SRR: variants seen among roughly 807,000 people sequenced by gnomAD.
SRR encodes serine racemase.
In SRR, 19 loss-of-function variants were observed where a neutral mutation model predicts 32.7. That is an observed-to-expected ratio of 0.58 (90% CI 0.40 to 0.85). The LOEUF (loss-of-function observed/expected upper bound fraction) is 0.85. SRR is among the 40% of genes least tolerant of loss of function. The pLI, the probability that SRR is intolerant of heterozygous loss-of-function variation, is 0.00. For missense variants in SRR, 373 were observed against 404.7 expected (o/e 0.92, Z 0.67); for synonymous variants, 142 against 140.9 (o/e 1.01, Z -0.06).
intron 4 of SRR, among the ~76,000 whole-genome samples, chr17:2,320,538 G>A (rs1276159628): frequency 1.3e-5 from 2 of 151,358 alleles, no homozygotes; most frequent in Non-Finnish European, 2.9e-5. Flanking sequence ...ACAAGTGTGA[G>A]CCACCGTGCC....
chr17:2,303,510 G>T, upstream of SRR: 1 of 1,330,000 alleles, frequency 7.5e-7, no homozygotes, highest in Non-Finnish European at 9.6e-7. Flanking sequence ...CGGCCCCAGC[G>T]CCTACTGCTG....
At chr17:2,315,762 TTTTCACACCC>T in intron 2 of SRR, 34 bp downstream of exon 2, 1 of 1,589,420 alleles carries the variant, frequency 6.3e-7, no homozygotes, top group Non-Finnish European at 8.6e-7. Context: ...ATCATGTATG[TTTTCACACCC>T]TTTCACATAT....
intron 3 of SRR, 151 bp downstream of exon 3, chr17:2,318,147 G>C (rs971007435): frequency 9.7e-6 from 9 of 928,498 alleles, no homozygotes; most frequent in Non-Finnish European, 1.2e-5. Context: ...TTTTTTTTTT[G>C]TTTGTTTTGT....
At chr17:2,313,019 CG>C (rs1260183740) in intron 1 of SRR, among the ~76,000 whole-genome samples, 1 of 152,190 alleles carries the variant, frequency 6.6e-6, no homozygotes, top group Non-Finnish European at 1.5e-5. Flanking sequence ...AACACACTCC[CG>C]GGCTCAAGCA....
In SRR at chr17:2,323,993, T is replaced by C. The variant is rs924572861; in HGVS notation, c.*120T>C. The stretch of plus-strand genomic sequence containing the variant: ...ATGGAGAGTGGCTATTTCATTAAGA[T>C]TTAATAGTTTTTTTTGGACTAAGTA... On this transcript the variant is annotated 3_prime_UTR_variant, in exon 8 of 8. Coordinates refer to ENST00000344595, the MANE Select transcript of SRR (RefSeq NM_021947.3). The C allele has an allele frequency of 2.6e-6, 3 of 1,152,390 alleles. No homozygotes were observed. The highest frequency in any genetic ancestry group is 2.4e-6 in the Non-Finnish European group (2 of 823,876). The allele number at this position is 1,152,390 out of a possible 1,614,324, so 71.4% of individuals were successfully genotyped here.
chr17:2,323,909 T>A lies in SRR; in HGVS notation c.*36T>A. The A allele has an allele frequency of 6.4e-7, 1 of 1,555,272 alleles. No homozygotes were observed. Among genetic ancestry groups the A allele is most frequent in the Non-Finnish European group, 8.9e-7 (1 of 1,129,304 alleles). Reference sequence around the variant, plus strand: ...AGGAAATGGTGGGAATTCAGTGTCTTTAGATACTGAAGACATTTTGTTTCC... The same window carrying A: ...AGGAAATGGTGGGAATTCAGTGTCTATAGATACTGAAGACATTTTGTTTCC... On this transcript the variant is annotated 3_prime_UTR_variant, in exon 8 of 8. Transcript: ENST00000344595.
rs369630301 is a variant in SRR, at chr17:2,318,759, C to T, written c.296-67C>T. Reference sequence around the variant, plus strand: ...TGCTGGGATTACAGGTGTGACCCACCGTGCCTGGCCACATAAGTTTCTATT... The same window carrying T: ...TGCTGGGATTACAGGTGTGACCCACTGTGCCTGGCCACATAAGTTTCTATT... On this transcript the variant is annotated intron_variant, in intron 3 of 7. Transcript: ENST00000344595. 6.1e-5 allele frequency: 73 copies of T among 1,191,650 alleles called. 1 individual carries two copies. The highest frequency in any genetic ancestry group is 2.0e-4 in the Middle Eastern group (1 of 5,092). The allele number at this position is 1,191,650 out of a possible 1,614,324, so 73.8% of individuals were successfully genotyped here.
intron 1 of SRR, among the ~76,000 whole-genome samples, chr17:2,308,945 C>A (rs1323393173): frequency 6.6e-6 from 1 of 151,618 alleles, no homozygotes; most frequent in South Asian, 2.1e-4. Flanking sequence ...ATGGTGAAAC[C>A]CTGTCCCTAC....
chr17:2,322,763 A>G lies in SRR; in HGVS notation c.595-373A>G, dbSNP rs924935742. ...GATCTCCCTACCTCGTGATCCGCCC[A>G]CCTCGGCCTCCCAAAGTGCTGGGAT... On this transcript the variant is annotated intron_variant, in intron 6 of 7. Coordinates refer to ENST00000344595, the MANE Select transcript of SRR (RefSeq NM_021947.3). The G allele has an allele frequency of 1.0e-4, 24 of 231,672 alleles. 1 individual carries two copies. Among genetic ancestry groups the G allele is most frequent in the South Asian group, 3.0e-4 (5 of 16,844 alleles). 14.4% of individuals were successfully genotyped at this position (231,672 alleles called of 1,614,324 possible).
At chr17:2,323,590 G>C in intron 7 of SRR, 65 bp from the exon 8 acceptor site, 1 of 1,538,112 alleles carries the variant, frequency 6.5e-7, no homozygotes, top group Non-Finnish European at 9.0e-7. Flanking sequence ...ATTCTCATCT[G>C]AACTTTATAG....
At chr17:2,308,448 T>C (rs2075409540) in intron 1 of SRR, among the ~76,000 whole-genome samples, 1 of 152,214 alleles carries the variant, frequency 6.6e-6, no homozygotes, top group Non-Finnish European at 1.5e-5. Flanking sequence ...TCATAAACAA[T>C]TCAAACTTAG....
At chr17:2,310,422 C>T (rs148243398) in intron 1 of SRR, among the ~76,000 whole-genome samples, 6 of 152,116 alleles carry the variant, frequency 3.9e-5, no homozygotes, top group African/African-American at 1.4e-4. Flanking sequence ...CAACGTGTTG[C>T]CCAGGCTGGT....
At chr17:2,305,148 C>T (rs928296741) in intron 1 of SRR, among the ~76,000 whole-genome samples, 3 of 152,142 alleles carry the variant, frequency 2.0e-5, no homozygotes, top group Non-Finnish European at 4.4e-5. Flanking sequence ...GTGAAAAGAT[C>T]CAACAGTTCA....
intron 6 of SRR, 44 bp from the exon 7 acceptor site, chr17:2,323,092 T>C: frequency 6.3e-7 from 1 of 1,582,962 alleles, no homozygotes. Context: ...ATGCAGGCAA[T>C]GTTGTGGTTT....
chr17:2,307,489 A>C (rs1377961156), intron 1 of SRR: 4 of 1,437,092 alleles, frequency 2.8e-6, no homozygotes, highest in Non-Finnish European at 3.9e-6. Flanking sequence ...GGGGATGGCT[A>C]TAATGGATTT....
chr17:2,321,263 C>G (rs1339715131), intron 4 of SRR, 43 bp from the exon 5 acceptor site: 5 of 1,603,300 alleles, frequency 3.1e-6, no homozygotes, highest in Non-Finnish European at 3.4e-6. Flanking sequence ...GTTGGGGACT[C>G]TATTAAATAC....
intron 6 of SRR, chr17:2,322,922 G>A (rs924978591): frequency 3.3e-5 from 17 of 514,098 alleles, no homozygotes; most frequent in African/African-American, 7.7e-5. Flanking sequence ...CTGCCACCAC[G>A]CCTGGCTGAT....
At chr17:2,303,770 G>T (rs973869044), upstream of SRR, 7 of 1,451,532 alleles carry the variant, frequency 4.8e-6, no homozygotes, top group African/African-American at 7.4e-5. Flanking sequence ...GCCGCGCGCA[G>T]CCAGGAAACC....
At position 2,321,377 on chromosome 17, in the gene SRR, T is replaced by G; in HGVS notation, c.471T>G (p.Pro157=). The part of the protein sequence containing the change: ...EGIMVHPNQE[P]AVIAGQGTIA... Reference sequence around the variant, plus strand: ...TCATGGTACATCCCAACCAGGAGCCTGCAGTGATAGCTGGACAAGGGACAA... The same window carrying G: ...TCATGGTACATCCCAACCAGGAGCCGGCAGTGATAGCTGGACAAGGGACAA... Residue 157 remains proline (P), a synonymous_variant, in exon 5 of 8, where the codon CCT becomes CCG. Coordinates refer to ENST00000344595, the MANE Select transcript of SRR (RefSeq NM_021947.3). The G allele has an allele frequency of 6.2e-7, 1 of 1,612,732 alleles. No homozygotes were observed. The highest frequency in any genetic ancestry group is 8.5e-7 in the Non-Finnish European group (1 of 1,179,642).
Sources: gnomAD v4.1 joint callset for allele counts (sites outside exome capture counted in the v4.1 genomes callset) on GRCh38, gnomAD v4.1.1 for gene constraint, MANE v1.5 for transcripts, NCBI Gene and HGNC (gene_info 2026-07-23, HGNC 2026-07-21) for gene names.